The following UTRN variants were observed in gnomAD, a reference collection of about 807,000 sequenced individuals.
The protein encoded by UTRN is dystrophin-related protein 1.
A neutral mutation model predicts 463.9 loss-of-function variants in UTRN; 283 were observed. The ratio of observed to expected loss-of-function variants is 0.61; its 90% CI spans 0.55 to 0.67. The LOEUF (loss-of-function observed/expected upper bound fraction) is 0.67, where lower values mean the gene tolerates loss of function less well. Ranked by LOEUF, UTRN falls within the 30% of genes least tolerant of loss-of-function variation. The pLI is 0.00. For synonymous variants in UTRN, 1,442 were observed against 1,431.5 expected (o/e 1.01, Z -0.17); for missense variants, 3,922 against 4,084.3 (o/e 0.96, Z 1.08).
intron 61 of UTRN, among the ~76,000 whole-genome samples, chr6:144,787,116 T>C (rs1015792072): frequency 9.2e-5 from 14 of 152,190 alleles, no homozygotes; most frequent in African/African-American, 3.4e-4. Context: ...ACTTTATCCT[T>C]AGCCACATTC....
chr6:144,799,492 T>C (rs1777531711), intron 64 of UTRN: 1 of 471,630 alleles, frequency 2.1e-6, no homozygotes, highest in African/African-American at 2.0e-5. Context: ...ACAGTTTAAA[T>C]GCAGCAGGGT....
At chr6:144,499,114 T>C (rs1016737855) in intron 33 of UTRN, 143 bp from the exon 34 acceptor site, 35 of 816,102 alleles carry the variant, frequency 4.3e-5, no homozygotes, top group Non-Finnish European at 5.9e-5. Flanking sequence ...CTTAGAGGAT[T>C]CTAAGGTGCT....
intron 51 of UTRN, among the ~76,000 whole-genome samples, chr6:144,655,503 A>G (rs1240997646): frequency 6.6e-6 from 1 of 152,250 alleles, no homozygotes; most frequent in Admixed American, 6.5e-5. Flanking sequence ...TACAACAAAT[A>G]AACTTTTCTC....
chr6:144,301,494 G>T (rs1029058045), intron 2 of UTRN, among the ~76,000 whole-genome samples: 5 of 149,784 alleles, frequency 3.3e-5, no homozygotes, highest in African/African-American at 9.8e-5. Flanking sequence ...GTCTAAGGGA[G>T]ACATTTAGGG....
chr6:144,486,602 A>T (rs1041667680), intron 28 of UTRN, among the ~76,000 whole-genome samples: 1 of 151,586 alleles, frequency 6.6e-6, no homozygotes, highest in African/African-American at 2.4e-5. Context: ...GCTCACTGCA[A>T]CCTCCACCTC....
intron 50 of UTRN, among the ~76,000 whole-genome samples, chr6:144,560,155 G>C (rs1799734070): frequency 6.6e-6 from 1 of 152,158 alleles, no homozygotes. Flanking sequence ...ATAAACTGAA[G>C]TACAGAGAAG....
intron 2 of UTRN, among the ~76,000 whole-genome samples, chr6:144,347,684 G>C (rs1036519496): frequency 6.6e-6 from 1 of 152,078 alleles, no homozygotes. Flanking sequence ...AAGAGACAAG[G>C]CTCCAGGGCA....
chr6:144,796,330 T>A (rs1341454393), intron 63 of UTRN, among the ~76,000 whole-genome samples: 1 of 152,170 alleles, frequency 6.6e-6, no homozygotes, highest in Non-Finnish European at 1.5e-5. Flanking sequence ...AGGCTCTACC[T>A]CCTCGTACCA....
chr6:144,475,812 A>T lies in UTRN; in HGVS notation c.3336+1053A>T, dbSNP rs188968480. ...ATTTTTGAGCCAGATGCAGTGGTGC[A>T]TGCTTGTAATCCCAGTACTTTGGGA... On this transcript the variant is annotated intron_variant, in intron 25 of 74. Coordinates refer to ENST00000367545, the MANE Select transcript of UTRN (RefSeq NM_007124.3). Among the ~76,000 whole-genome samples, 25 of 152,210 alleles carry T rather than the reference A, an allele frequency of 1.6e-4. No individual in the cohort carries two copies. In the East Asian group the frequency reaches 4.5e-3, roughly 27 times the overall value.
At chr6:144,475,920 A>G (rs933364545) in intron 25 of UTRN, among the ~76,000 whole-genome samples, 4 of 151,768 alleles carry the variant, frequency 2.6e-5, no homozygotes, top group Admixed American at 6.6e-5. Flanking sequence ...TATAAAAAAT[A>G]CAAAAATTAG....
chr6:144,727,538 C>T (rs1788005811), intron 53 of UTRN, among the ~76,000 whole-genome samples: 4 of 152,172 alleles, frequency 2.6e-5, no homozygotes, highest in Admixed American at 2.6e-4. Context: ...GCGGGCGGAT[C>T]ACAAGGTCAG....
intron 13 of UTRN, among the ~76,000 whole-genome samples, chr6:144,443,578 C>T (rs993097330): frequency 6.6e-6 from 1 of 152,000 alleles, no homozygotes; most frequent in Non-Finnish European, 1.5e-5. Flanking sequence ...ATTTGTTAAT[C>T]ATTATTTGTA....
chr6:144,710,212 C>T (rs1785529723), intron 53 of UTRN, among the ~76,000 whole-genome samples: 1 of 152,202 alleles, frequency 6.6e-6, no homozygotes, highest in Non-Finnish European at 1.5e-5. Flanking sequence ...CTCCTATGTT[C>T]AAACACCTAG....
At chr6:144,695,689 A>G (rs1412291108) in intron 52 of UTRN, among the ~76,000 whole-genome samples, 1 of 152,214 alleles carries the variant, frequency 6.6e-6, no homozygotes, top group African/African-American at 2.4e-5. Context: ...CTCCTTTAGC[A>G]TCTAAAACAA....
chr6:144,337,804 G>A (rs983135790), intron 2 of UTRN, among the ~76,000 whole-genome samples: 1 of 152,046 alleles, frequency 6.6e-6, no homozygotes, highest in Non-Finnish European at 1.5e-5. Context: ...TAGTAGAGAT[G>A]GAGTCTTACC....
At chr6:144,766,702 T>G (rs1307680528) in intron 58 of UTRN, among the ~76,000 whole-genome samples, 8 of 151,812 alleles carry the variant, frequency 5.3e-5, no homozygotes. Flanking sequence ...AGGAAGTAGA[T>G]ATGGTACAGT....
At chr6:144,372,564 G>C (rs370485635) in intron 2 of UTRN, among the ~76,000 whole-genome samples, 1 of 150,698 alleles carries the variant, frequency 6.6e-6, no homozygotes, top group Non-Finnish European at 1.5e-5. Flanking sequence ...GTGTGATCTC[G>C]GCTCACTGCA....
chr6:144,362,191 T>C (rs1779141531), intron 2 of UTRN, among the ~76,000 whole-genome samples: 1 of 152,192 alleles, frequency 6.6e-6, no homozygotes, highest in Non-Finnish European at 1.5e-5. Flanking sequence ...GATCCTGGTG[T>C]GGGCATTCCA....
At chr6:144,474,911 G>A (rs754920150) in intron 25 of UTRN, 152 bp downstream of exon 25, 16 of 806,494 alleles carry the variant, frequency 2.0e-5, no homozygotes, top group African/African-American at 8.9e-5. Context: ...AAAAAAAAAG[G>A]CATCATTTTT....
Sources: allele counts gnomAD v4.1 joint callset (sites outside exome capture counted in the v4.1 genomes callset), GRCh38; gene constraint gnomAD v4.1.1; transcripts MANE v1.5; gene names NCBI Gene and HGNC (gene_info 2026-07-23, HGNC 2026-07-21).